Variants in SCML4 observed in about 807,000 individuals in gnomAD.
The protein encoded by SCML4 is sex comb on midleg-like protein 4.
A neutral mutation model predicts 41.1 loss-of-function variants in SCML4; 34 were observed. That is an observed-to-expected ratio of 0.83 (90% confidence interval 0.63 to 1.10). SCML4 has a LOEUF of 1.10. SCML4 is among the 50% of genes least tolerant of loss of function. SCML4 has a pLI of 0.00. For missense variants in SCML4, 522 were observed against 534.1 expected (o/e 0.98, Z 0.22); for synonymous variants, 214 against 220.9 (o/e 0.97, Z 0.28).
the SCML4 span, among the ~76,000 whole-genome samples, chr6:107,830,026 C>T: frequency 6.6e-6 from 1 of 152,164 alleles, no homozygotes; most frequent in Non-Finnish European, 1.5e-5. Flanking sequence ...TTCACTATCA[C>T]GAATATTTCT....
At chr6:107,839,401 G>C in the SCML4 span, among the ~76,000 whole-genome samples, 39 of 136,960 alleles carry the variant, frequency 2.8e-4, no homozygotes, top group South Asian at 8.4e-3. Flanking sequence ...AAGAAAGAAA[G>C]AAAGAAAGAG....
chr6:107,708,079 C>T, intron 6 of SCML4, 68 bp from the exon 7 acceptor site: 1 of 1,504,980 alleles, frequency 6.6e-7, no homozygotes, highest in Non-Finnish European at 8.9e-7. Context: ...CTGGTGCTGC[C>T]TGCCCCCACC....
chr6:107,831,034 C>T, the SCML4 span, among the ~76,000 whole-genome samples: 1 of 151,982 alleles, frequency 6.6e-6, no homozygotes, highest in Non-Finnish European at 1.5e-5. Flanking sequence ...TCTATGTGTG[C>T]GCCAAAGAGC....
intron 6 of SCML4, among the ~76,000 whole-genome samples, chr6:107,714,582 G>A (rs899714272): frequency 5.9e-5 from 9 of 152,250 alleles, no homozygotes; most frequent in South Asian, 2.1e-4. Context: ...GAACAGGGCC[G>A]GTGTCCATCT....
chr6:107,802,176 C>T (rs534379825), intron 1 of SCML4, among the ~76,000 whole-genome samples: 5 of 152,250 alleles, frequency 3.3e-5, no homozygotes, highest in Middle Eastern at 3.4e-3. Flanking sequence ...ACTGTTCTCA[C>T]GGAACTTATA....
rs1043992518 is a variant in SCML4, at chr6:107,704,762, C to T, written c.*438G>A. The T allele has an allele frequency of 4.8e-5, 9 of 186,588 alleles. No individual in the cohort carries two copies. Among genetic ancestry groups the T allele is most frequent in the Non-Finnish European group, 9.7e-5 (9 of 92,626 alleles). The allele number at this position is 186,588 out of a possible 1,614,324, so 11.6% of individuals were successfully genotyped here. On this transcript the variant is annotated 3_prime_UTR_variant, in exon 8 of 8. Transcript: ENST00000369020. The stretch of plus-strand genomic sequence containing the variant: ...TTCCAGAGCTGAGGCAAACAAGGCT[C>T]ACATGGATAGGTCCCCAGGTCAGAG...
the SCML4 span, among the ~76,000 whole-genome samples, chr6:107,831,895 T>TACACAC: frequency 1.3e-5 from 2 of 150,634 alleles, no homozygotes; most frequent in Non-Finnish European, 3.0e-5. Flanking sequence ...TACTAAAAAA[T>TACACAC]ACACACACAC....
At chr6:107,709,194 C>T (rs1270607441) in intron 6 of SCML4, among the ~76,000 whole-genome samples, 1 of 152,200 alleles carries the variant, frequency 6.6e-6, no homozygotes, top group African/African-American at 2.4e-5. Context: ...TACCAACACA[C>T]TGAGTCCTCA....
intron 2 of SCML4, among the ~76,000 whole-genome samples, chr6:107,764,815 C>T (rs901809777): frequency 3.9e-5 from 6 of 152,154 alleles, no homozygotes; most frequent in African/African-American, 9.7e-5. Context: ...TTCCCCCATA[C>T]TGTTCTTGTG....
intron 1 of SCML4, among the ~76,000 whole-genome samples, chr6:107,801,931 AT>A (rs11287590): frequency 0.058 from 8,429 of 145,220 alleles, 757 homozygotes; most frequent in African/African-American, 0.19. Context: ...CACCTGGCTA[AT>A]TTTTTTTTTT....
chr6:107,813,063 G>A (rs1375139248), intron 1 of SCML4, among the ~76,000 whole-genome samples: 2 of 151,710 alleles, frequency 1.3e-5, no homozygotes, highest in African/African-American at 4.8e-5. Flanking sequence ...CATGTTTATT[G>A]TTAAAAATAT....
chr6:107,791,030 A>G (rs1323002101), intron 1 of SCML4, among the ~76,000 whole-genome samples: 1 of 149,686 alleles, frequency 6.7e-6, no homozygotes, highest in Non-Finnish European at 1.5e-5. Flanking sequence ...ACATTGCACC[A>G]TTGCACTCCA....
chr6:107,720,363 T>TG (rs1276995429), intron 6 of SCML4: 1 of 1,011,130 alleles, frequency 9.9e-7, no homozygotes, highest in Non-Finnish European at 1.2e-6. Context: ...ACAAAATAGA[T>TG]GGAGCCTATG....
chr6:107,711,333 G>A (rs1286407747), intron 6 of SCML4, among the ~76,000 whole-genome samples: 3 of 152,196 alleles, frequency 2.0e-5, no homozygotes, highest in Non-Finnish European at 4.4e-5. Context: ...ATACAGTCAT[G>A]CACCGCCTAA....
intron 5 of SCML4, among the ~76,000 whole-genome samples, chr6:107,734,699 A>G (rs2049662): frequency 0.95 from 144,444 of 152,166 alleles, 68,951 homozygotes; most frequent in Non-Finnish European, 1. Flanking sequence ...ATGAATTTAC[A>G]TAGGCACATG....
At chr6:107,829,800 A>C in the SCML4 span, among the ~76,000 whole-genome samples, 1 of 152,230 alleles carries the variant, frequency 6.6e-6, no homozygotes, top group African/African-American at 2.4e-5. Flanking sequence ...TATTAAAAAA[A>C]CTGGTATGAA....
intron 1 of SCML4, among the ~76,000 whole-genome samples, chr6:107,774,803 C>T (rs1436114132): frequency 6.6e-6 from 1 of 151,958 alleles, no homozygotes; most frequent in African/African-American, 2.4e-5. Context: ...GGGCAGATCA[C>T]CTGAGGTCAG....
At chr6:107,739,504 T>G (rs1180798806) in intron 5 of SCML4, among the ~76,000 whole-genome samples, 2 of 152,196 alleles carry the variant, frequency 1.3e-5, no homozygotes, top group Admixed American at 6.5e-5. Context: ...TTTAGGTGCA[T>G]GGCACCAATC....
At chr6:107,728,385 C>T (rs907653593) in intron 5 of SCML4, among the ~76,000 whole-genome samples, 5 of 152,130 alleles carry the variant, frequency 3.3e-5, no homozygotes, top group South Asian at 4.2e-4. Flanking sequence ...CGAAGGTGGG[C>T]GGATCACCTG....
Sources: gnomAD v4.1 joint callset for allele counts (sites outside exome capture counted in the v4.1 genomes callset) on GRCh38, gnomAD v4.1.1 for gene constraint, MANE v1.5 for transcripts, NCBI Gene and HGNC (gene_info 2026-07-23, HGNC 2026-07-21) for gene names.